Variants in WDR27 observed in about 807,000 individuals in gnomAD.
WDR27 encodes WD repeat-containing protein 27.
Under a neutral mutation model 114.4 loss-of-function variants are expected in WDR27, and 100 were observed. That is an observed-to-expected ratio of 0.87 (90% CI 0.74 to 1.03). The LOEUF is 1.03. Among genes scored for constraint, WDR27 ranks in the 50% least tolerant of loss-of-function variants. The pLI, the probability that WDR27 is intolerant of heterozygous loss-of-function variation, is 0.00. For missense variants in WDR27, 1,129 were observed against 1,092.9 expected, an observed-to-expected ratio of 1.03 and a Z score of -0.47; for synonymous variants, 449 against 423.1, an observed-to-expected ratio of 1.06 and a Z score of -0.75.
At chr6:169,618,445 G>T (rs1812366245) in intron 21 of WDR27, among the ~76,000 whole-genome samples, 1 of 151,882 alleles carries the variant, frequency 6.6e-6, no homozygotes, top group Non-Finnish European at 1.5e-5. Flanking sequence ...TTTTAAATGA[G>T]CCATTTAATA....
intron 25 of WDR27, among the ~76,000 whole-genome samples, chr6:169,514,791 G>T (rs1793423296): frequency 6.9e-6 from 1 of 143,958 alleles, no homozygotes; most frequent in Non-Finnish European, 1.5e-5. Context: ...CATTTCAATA[G>T]CTTCAGAAAT....
intron 25 of WDR27, among the ~76,000 whole-genome samples, chr6:169,497,672 T>G (rs754202144): frequency 1.7e-4 from 26 of 152,042 alleles, no homozygotes; most frequent in Non-Finnish European, 3.1e-4. Context: ...CACTAATCAT[T>G]TGGGAAACGC....
chr6:169,584,056 T>TTTC (rs1554298647), intron 23 of WDR27, among the ~76,000 whole-genome samples: 1 of 151,572 alleles, frequency 6.6e-6, no homozygotes, highest in East Asian at 1.9e-4. Context: ...TTGACCCACA[T>TTTC]CTCCCCCTCC....
At chr6:169,674,244 C>G (rs1245561781) in intron 2 of WDR27, among the ~76,000 whole-genome samples, 1 of 152,026 alleles carries the variant, frequency 6.6e-6, no homozygotes, top group Non-Finnish European at 1.5e-5. Flanking sequence ...TAGAGAAATG[C>G]GATGCCTACA....
intron 17 of WDR27, among the ~76,000 whole-genome samples, chr6:169,641,197 A>AT (rs1278845455): frequency 6.6e-6 from 1 of 152,174 alleles, no homozygotes; most frequent in Admixed American, 6.5e-5. Context: ...AACAATGGAG[A>AT]TTCCTTAGAA....
the WDR27 span, among the ~76,000 whole-genome samples, chr6:169,448,694 G>A: frequency 6.6e-6 from 1 of 152,186 alleles, no homozygotes; most frequent in Non-Finnish European, 1.5e-5. Context: ...ACCTGCACGT[G>A]GCCGTGTGGC....
intron 25 of WDR27, among the ~76,000 whole-genome samples, chr6:169,542,755 C>G (rs936296794): frequency 6.6e-6 from 1 of 150,526 alleles, no homozygotes; most frequent in Non-Finnish European, 1.5e-5. Flanking sequence ...TCAACTAACT[C>G]TCAAGCAGTT....
At chr6:169,585,312 T>A (rs1804328333) in intron 23 of WDR27, among the ~76,000 whole-genome samples, 2 of 152,222 alleles carry the variant, frequency 1.3e-5, no homozygotes, top group Admixed American at 1.3e-4. Context: ...ACTAAAGAGC[T>A]TCGGCTCAGC....
At chr6:169,700,350 G>C (rs748358324) in intron 1 of WDR27, among the ~76,000 whole-genome samples, 1 of 152,226 alleles carries the variant, frequency 6.6e-6, no homozygotes, top group Non-Finnish European at 1.5e-5. Flanking sequence ...GTGGGATCAA[G>C]AGTGGAGCAG....
chr6:169,652,467 T>C (rs1277545598), intron 13 of WDR27, among the ~76,000 whole-genome samples: 2 of 152,228 alleles, frequency 1.3e-5, no homozygotes, highest in Non-Finnish European at 2.9e-5. Flanking sequence ...CAGGATGGTC[T>C]TGAACGCCTG....
chr6:169,513,986 C>T lies in WDR27; in HGVS notation c.2646-56352G>A, dbSNP rs118129185. ...GGCTTTAGCTCTTATCTCAGAACTG[C>T]GGGACATACAATTAGAGCAAAAGGG... On this transcript the variant is annotated intron_variant, in intron 25 of 25. Transcript: ENST00000448612. Among the ~76,000 whole-genome samples, 900 of 152,172 alleles carry T rather than the reference C, an allele frequency of 5.9e-3. 11 individuals carry two copies. The highest frequency in any genetic ancestry group is 0.032 in the East Asian group (166 of 5,172).
intron 16 of WDR27, 36 bp downstream of exon 16, chr6:169,647,737 T>C (rs533378236): frequency 6.7e-7 from 1 of 1,488,088 alleles, no homozygotes; most frequent in East Asian, 2.4e-5. Context: ...ACTCTTACAA[T>C]GAAATGCTAC....
At chr6:169,626,160 T>C (rs1342157840) in intron 21 of WDR27, among the ~76,000 whole-genome samples, 2 of 152,158 alleles carry the variant, frequency 1.3e-5, no homozygotes, top group Admixed American at 6.5e-5. Flanking sequence ...TGGGTGATGA[T>C]AGGCGGAGAC....
chr6:169,676,067 C>T (rs1225163244), intron 2 of WDR27, among the ~76,000 whole-genome samples: 1 of 152,134 alleles, frequency 6.6e-6, no homozygotes, highest in Non-Finnish European at 1.5e-5. Flanking sequence ...AAATAAAACC[C>T]ATCTAATCAG....
Position 169,701,821 on chromosome 6 carries a change from GC to G in WDR27, c.-279del. On this transcript the variant is annotated 5_prime_UTR_variant, in exon 1 of 26. Coordinates refer to ENST00000448612, the MANE Select transcript of WDR27 (RefSeq NM_182552.5). ...CAGCGGAGCCGCGAGCAACCGCGCA[GC>G]CCCCGCGCTCCAGCCCTGCGCCCTA... 1 of 293,882 alleles carries G rather than the reference GC, an allele frequency of 3.4e-6. No homozygotes were observed. The highest frequency in any genetic ancestry group is 6.6e-6 in the Non-Finnish European group (1 of 151,558). The allele number at this position is 293,882 out of a possible 1,614,324, so 18.2% of individuals were successfully genotyped here.
In WDR27 at chr6:169,642,306, C is replaced by CCA. The variant is rs1223255275; in HGVS notation, c.1747+1390_1747+1391insTG. On this transcript the variant is annotated intron_variant, in intron 17 of 25. Coordinates refer to ENST00000448612, the MANE Select transcript of WDR27 (RefSeq NM_182552.5). ...GAGATGGTTAAATGTGGCCCTTCCC[C>CCA]CCCGCCCACAGAAACAGAGCAAGTT... Among the ~76,000 whole-genome samples, 5 of 151,796 alleles carry CCA rather than the reference C, an allele frequency of 3.3e-5. No homozygotes were observed. In the Admixed American group the frequency reaches 3.3e-4, roughly 10 times the overall value.
At chr6:169,504,259 T>C (rs922288481) in intron 25 of WDR27, among the ~76,000 whole-genome samples, 1 of 152,224 alleles carries the variant, frequency 6.6e-6, no homozygotes, top group Non-Finnish European at 1.5e-5. Context: ...GATGAATGTA[T>C]CATGTTACTC....
chr6:169,437,783 T>C, the WDR27 span, among the ~76,000 whole-genome samples: 25 of 152,354 alleles, frequency 1.6e-4, no homozygotes, highest in African/African-American at 6.0e-4. Flanking sequence ...TCCAACTTTT[T>C]TGTTAGTTGT....
rs964318737 is a variant in WDR27 at position 169,702,024 on chromosome 6, A to T, written c.-481T>A. 4 of 448,776 alleles carry T rather than the reference A, an allele frequency of 8.9e-6. No individual in the cohort carries two copies. Among genetic ancestry groups the T allele is most frequent in the Non-Finnish European group, 1.8e-5 (4 of 225,128 alleles). 27.8% of individuals were successfully genotyped at this position (448,776 alleles called of 1,614,324 possible). On this transcript the variant is annotated 5_prime_UTR_variant, in exon 1 of 26. Transcript: ENST00000448612. ...TGCCAGCCGACCCACGCGAGCCGCT[A>T]TGGTTACTAGCCCGCCGCCCCTCGC...
Sources: gnomAD v4.1 joint callset for allele counts (sites outside exome capture counted in the v4.1 genomes callset) on GRCh38, gnomAD v4.1.1 for gene constraint, MANE v1.5 for transcripts, NCBI Gene and HGNC (gene_info 2026-07-23, HGNC 2026-07-21) for gene names.